FGF13: variants seen among roughly 807,000 people sequenced by gnomAD.
FGF13 encodes fibroblast growth factor 13, also known as fibroblast growth factor homologous factor 2.
In FGF13, 2 loss-of-function variants were observed where a neutral mutation model predicts 19.5. That is an observed-to-expected ratio of 0.10 (90% confidence interval 0.04 to 0.32). The LOEUF (loss-of-function observed/expected upper bound fraction) is 0.32. Ranked by LOEUF, FGF13 falls within the 10% of genes least tolerant of loss-of-function variation. The probability of loss-of-function intolerance (pLI) is 1.00; values close to 1 mark genes in which losing one functional copy is unlikely to be tolerated. For missense variants in FGF13, 113 were observed against 192.7 expected (o/e 0.59, Z 2.45); for synonymous variants, 72 against 76.9 (o/e 0.94, Z 0.33).
chrX:138,842,365 G>A (rs1488171213), intron 3 of FGF13, among the ~76,000 whole-genome samples: 1 of 110,842 alleles, frequency 9.0e-6, no homozygotes, highest in Non-Finnish European at 1.9e-5. Context: ...CCAAATCACT[G>A]CATTGAGCTC....
At chrX:138,876,627 A>G (rs1179989567) in intron 1 of FGF13, among the ~76,000 whole-genome samples, 1 of 112,079 alleles carries the variant, frequency 8.9e-6, no homozygotes, top group Admixed American at 9.4e-5. Context: ...CAACAATCAC[A>G]TGAGCTTAGA....
chrX:138,863,692 T>C (rs938784706), intron 2 of FGF13, among the ~76,000 whole-genome samples: 3 of 111,376 alleles, frequency 2.7e-5, no homozygotes, highest in Non-Finnish European at 5.7e-5. Context: ...AAATGAAGAG[T>C]CTAGCCCATT....
At chrX:138,880,567 A>C (rs1186521129) in intron 1 of FGF13, among the ~76,000 whole-genome samples, 1 of 111,869 alleles carries the variant, frequency 8.9e-6, no homozygotes, top group Non-Finnish European at 1.9e-5. Flanking sequence ...CATTCTCAGC[A>C]AACTAACACA....
In FGF13 at chrX:139,110,633, C is replaced by T. The variant is rs146396793; in HGVS notation, c.-113+92783G>A. Among the ~76,000 whole-genome samples, 575 of 111,836 alleles carry T rather than the reference C, an allele frequency of 5.1e-3. 2 individuals carry two copies. Among genetic ancestry groups the T allele is most frequent in the African/African-American group, 0.018 (558 of 30,780 alleles). On this transcript the variant is annotated intron_variant, in intron 1 of 2. Coordinates refer to the FGF13 transcript ENST00000421460. ...CCAGACCCGGGTATGTCTTTATCAG[C>T]AGCATGAAAATGGACTAATACATGT...
intron 1 of FGF13, among the ~76,000 whole-genome samples, chrX:138,720,026 CTGTT>C (rs755271550): frequency 3.6e-4 from 41 of 112,843 alleles, no homozygotes; most frequent in African/African-American, 1.3e-3. Flanking sequence ...TTACTGATAA[CTGTT>C]TGACAAGTAC....
Position 138,623,071 on chromosome X carries a change from G to A in FGF13, c.*9779C>T, listed in dbSNP as rs2089027740. On this transcript the variant is annotated 3_prime_UTR_variant, in exon 5 of 5. Transcript: ENST00000315930. The stretch of plus-strand genomic sequence containing the variant: ...TTCTTTATTTTTTGGATAGTTCATT[G>A]TTCGTGTGAAGAAACAACTGATTTT... The A allele has an allele frequency of 9.0e-6, 1 of 110,899 alleles. No homozygotes were observed. Among genetic ancestry groups the A allele is most frequent in the Non-Finnish European group, 1.9e-5 (1 of 52,834 alleles). The allele number at this position is 110,899 out of a possible 1,213,427, so 9.1% of individuals were successfully genotyped here.
intron 1 of FGF13, among the ~76,000 whole-genome samples, chrX:139,143,555 TC>T (rs1418637292): frequency 8.9e-6 from 1 of 112,414 alleles, no homozygotes; most frequent in Non-Finnish European, 1.9e-5. Context: ...AGGAAGTACT[TC>T]AGTACACTCT....
intron 1 of FGF13, among the ~76,000 whole-genome samples, chrX:139,003,842 G>A (rs1051893625): frequency 5.4e-5 from 6 of 111,621 alleles, no homozygotes; most frequent in African/African-American, 1.3e-4. Context: ...ACAGAATGTC[G>A]ATTGGTGCAC....
At chrX:138,888,987 C>G (rs191164539) in intron 1 of FGF13, among the ~76,000 whole-genome samples, 3 of 112,236 alleles carry the variant, frequency 2.7e-5, no homozygotes, top group Non-Finnish European at 5.6e-5. Context: ...ATTCATTCAA[C>G]TAATATTTTT....
intron 1 of FGF13, among the ~76,000 whole-genome samples, chrX:139,014,776 A>T (rs1389236450): frequency 9.0e-6 from 1 of 111,622 alleles, no homozygotes; most frequent in Non-Finnish European, 1.9e-5. Context: ...AATGAAAACT[A>T]TAGGCCACTA....
chrX:139,154,342 GC>G (rs1475367175), intron 1 of FGF13, among the ~76,000 whole-genome samples: 1 of 111,375 alleles, frequency 9.0e-6, no homozygotes, highest in Admixed American at 9.6e-5. Context: ...CACAAAGCAT[GC>G]CATAACTCAT....
intron 1 of FGF13, among the ~76,000 whole-genome samples, chrX:138,722,071 G>T (rs1569374905): frequency 9.0e-6 from 1 of 111,201 alleles, no homozygotes; most frequent in African/African-American, 3.3e-5. Context: ...TTACAAAAAG[G>T]TGCACAAGAA....
chrX:139,092,097 A>G (rs756797327), intron 1 of FGF13, among the ~76,000 whole-genome samples: 1 of 111,504 alleles, frequency 9.0e-6, no homozygotes, highest in Admixed American at 9.5e-5. Context: ...CCTAAATGAA[A>G]TAGAGAAATG....
At chrX:138,665,756 T>A (rs1477562281) in intron 3 of FGF13, among the ~76,000 whole-genome samples, 3 of 110,839 alleles carry the variant, frequency 2.7e-5, no homozygotes, top group South Asian at 3.8e-4. Flanking sequence ...AGAAAGCCCC[T>A]ACCCTCATGT....
intron 1 of FGF13, among the ~76,000 whole-genome samples, chrX:139,083,281 T>A (rs921295990): frequency 8.9e-5 from 10 of 111,761 alleles, no homozygotes; most frequent in African/African-American, 3.3e-4. Context: ...AAGCTATTAT[T>A]ACATCCATTA....
intron 3 of FGF13, among the ~76,000 whole-genome samples, chrX:138,701,392 T>C (rs892550455): frequency 2.7e-5 from 3 of 112,480 alleles, no homozygotes; most frequent in Non-Finnish European, 5.6e-5. Flanking sequence ...ATTATTAAAT[T>C]ATCTTACCTT....
Position 139,155,321 on chromosome X carries a change from T to C in FGF13, c.-113+48095A>G, listed in dbSNP as rs960945396. Among the ~76,000 whole-genome samples, 4 of 112,100 alleles carry C rather than the reference T, an allele frequency of 3.6e-5. No homozygotes were observed. In the Admixed American group the frequency reaches 3.8e-4, roughly 11 times the overall value. On this transcript the variant is annotated intron_variant, in intron 1 of 2. Coordinates refer to the FGF13 transcript ENST00000421460. Reference sequence around the variant, plus strand: ...AAGGAATTGTCATGTAATAGCTACATTTTGATATTGGGGATCTCTAATTTA... The same window carrying C: ...AAGGAATTGTCATGTAATAGCTACACTTTGATATTGGGGATCTCTAATTTA...
At chrX:138,919,635 T>C (rs1412439654) in intron 1 of FGF13, among the ~76,000 whole-genome samples, 1 of 111,929 alleles carries the variant, frequency 8.9e-6, no homozygotes, top group South Asian at 3.7e-4. Context: ...TACTATATAA[T>C]TTCTTTTATC....
At chrX:138,783,361 A>G (rs1262905243) in intron 3 of FGF13, among the ~76,000 whole-genome samples, 1 of 104,568 alleles carries the variant, frequency 9.6e-6, no homozygotes, top group Non-Finnish European at 1.9e-5. Flanking sequence ...AGAAACTACC[A>G]TCAGAGTGAA....
Sources: allele counts gnomAD v4.1 joint callset (sites outside exome capture counted in the v4.1 genomes callset), GRCh38; gene constraint gnomAD v4.1.1; transcripts MANE v1.5; gene names NCBI Gene and HGNC (gene_info 2026-07-23, HGNC 2026-07-21).